ABHD4: variants seen among roughly 807,000 people sequenced by gnomAD.
The protein encoded by ABHD4 is abhydrolase domain containing 4, N-acyl phospholipase B, also known as (Lyso)-N-acylphosphatidylethanolamine lipase.
Under a neutral mutation model 42.3 loss-of-function variants are expected in ABHD4, and 35 were observed. The ratio of observed to expected loss-of-function variants is 0.83; its 90% CI spans 0.63 to 1.10. ABHD4 has a LOEUF of 1.10. Ranked by LOEUF, ABHD4 falls within the 50% of genes least tolerant of loss-of-function variation. ABHD4 has a pLI of 0.00. For missense variants in ABHD4, 389 were observed against 454.8 expected, an observed-to-expected ratio of 0.86 and a Z score of 1.32; for synonymous variants, 169 against 170.6, an observed-to-expected ratio of 0.99 and a Z score of 0.07.
chr14:22,609,160 G>A (rs143522637), intron 5 of ABHD4, among the ~76,000 whole-genome samples: 39 of 150,434 alleles, frequency 2.6e-4, no homozygotes, highest in African/African-American at 7.1e-4. Context: ...ACCACGCCCC[G>A]CTAATTTTTG....
chr14:22,610,776 C>T (rs2037405608), intron 6 of ABHD4, 83 bp from the exon 7 acceptor site: 1 of 1,124,490 alleles, frequency 8.9e-7, no homozygotes, highest in African/African-American at 1.5e-5. Context: ...GCAAGCAAGT[C>T]TAAGGGGAAA....
In ABHD4 at chr14:22,600,831, G is replaced by GGTGTGT. The variant is rs35284182; in HGVS notation, c.24-795_24-790dup. Among the ~76,000 whole-genome samples, 210 of 65,218 alleles carry GGTGTGT rather than the reference G, an allele frequency of 3.2e-3. 1 individual carries two copies. Among genetic ancestry groups the GGTGTGT allele is most frequent in the East Asian group, 8.0e-3 (26 of 3,234 alleles). 42.8% of individuals were successfully genotyped at this position (65,218 alleles called of 152,430 possible). A position where few individuals can be genotyped will look rare whatever the true frequency, so the allele number is the denominator to read the frequency against. ...CACTATGATTCACGTCCAGCAGGGG[G>GGTGTGT]GTGTGTGTGTGTGTGTGTGTGTGTG... is the stretch of plus-strand genomic sequence containing the variant. On this transcript the variant is annotated intron_variant, in intron 1 of 6. Transcript: ENST00000428304.
In ABHD4 at chr14:22,599,569, G is replaced by C. The variant is rs1298684259; in HGVS notation, c.23+1240G>C. ...TACAGTGTGCCAGGCACCATTTCCA[G>C]TGTTTACTTGTAACATTTTTGGTGA... On this transcript the variant is annotated intron_variant, in intron 1 of 6. Coordinates refer to ENST00000428304, the MANE Select transcript of ABHD4 (RefSeq NM_022060.3). Among the ~76,000 whole-genome samples, 7 of 152,348 alleles carry C rather than the reference G, an allele frequency of 4.6e-5. 1 individual carries two copies. Among genetic ancestry groups the C allele is most frequent in the African/African-American group, 1.7e-4 (7 of 41,580 alleles).
At chr14:22,601,576 C>A (rs553262596) in intron 1 of ABHD4, 91 bp from the exon 2 acceptor site, 22 of 1,257,278 alleles carry the variant, frequency 1.7e-5, no homozygotes, top group Middle Eastern at 1.9e-4. Context: ...ACCCTGCTTC[C>A]TGAGAACTCT....
chr14:22,603,543 A>G lies in ABHD4; in HGVS notation c.266A>G (p.Asp89Gly). 1 of 1,613,946 alleles carries G rather than the reference A, an allele frequency of 6.2e-7. No homozygotes were observed. Among genetic ancestry groups the G allele is most frequent in the Non-Finnish European group, 8.5e-7 (1 of 1,179,994 alleles). The part of the protein sequence containing the change: ...GGVGLWILNM[D>G]SLSARRTLHT... ...GTGGGTCTCTGGATCCTCAACATGG[A>G]CTCACTGAGTGCCCGCCGCACACTG... Residue 89 changes from aspartate to glycine, a missense_variant, in exon 3 of 7, where the codon GAC becomes GGC. Asp to Gly is a moderately conservative substitution (Grantham distance 94). This residue lies in a region of ABHD4 where 102 missense variants were observed against 128.3 expected (regional missense o/e 0.80). Coordinates refer to ENST00000428304, the MANE Select transcript of ABHD4 (RefSeq NM_022060.3).
chr14:22,604,188 T>G (rs750852731), intron 4 of ABHD4, 109 bp downstream of exon 4: 20 of 1,249,772 alleles, frequency 1.6e-5, no homozygotes, highest in Non-Finnish European at 2.3e-5. Context: ...GCCTTGTTAT[T>G]TAAAGCTGTT....
At chr14:22,598,484 T>C in intron 1 of ABHD4, 155 bp downstream of exon 1, 1 of 1,535,504 alleles carries the variant, frequency 6.5e-7, no homozygotes, top group Non-Finnish European at 8.7e-7. Flanking sequence ...CGTTGCTTGC[T>C]TTGCATTTGC....
Position 22,610,754 on chromosome 14 carries a change from C to A in ABHD4, c.940-105C>A, listed in dbSNP as rs1424297453. 3.5e-6 allele frequency: 3 copies of A among 850,238 alleles called. No individual in the cohort carries two copies. The African/African-American group carries it at 5.0e-5, about 14-fold the overall frequency. 52.7% of individuals were successfully genotyped at this position (850,238 alleles called of 1,614,324 possible). A position where few individuals can be genotyped will look rare whatever the true frequency, so the allele number is the denominator to read the frequency against. The stretch of plus-strand genomic sequence containing the variant: ...TGGAGCATTATCTCTGATAAGAGCT[C>A]GTGGGTGGCAGGCAAGCAAGTCTAA... On this transcript the variant is annotated intron_variant, in intron 6 of 6. Transcript: ENST00000428304.
chr14:22,600,831 GGTGTGTGTGTGT>G (rs35284182), intron 1 of ABHD4, among the ~76,000 whole-genome samples: 21 of 65,224 alleles, frequency 3.2e-4, no homozygotes, highest in Admixed American at 1.4e-3. Flanking sequence ...CCAGCAGGGG[GGTGTGTGTGTGT>G]GTGTGTGTGT....
chr14:22,599,287 TAG>T (rs2037254572), intron 1 of ABHD4, among the ~76,000 whole-genome samples: 1 of 152,200 alleles, frequency 6.6e-6, no homozygotes, highest in Non-Finnish European at 1.5e-5. Flanking sequence ...GGCAGAATAT[TAG>T]AGCTGGAGGA....
intron 5 of ABHD4, among the ~76,000 whole-genome samples, chr14:22,609,154 C>T (rs766428305): frequency 5.3e-5 from 8 of 151,548 alleles, no homozygotes; most frequent in Non-Finnish European, 1.0e-4. Flanking sequence ...CGCACCACCA[C>T]GCCCCGCTAA....
chr14:22,600,543 G>A (rs2037270288), intron 1 of ABHD4, among the ~76,000 whole-genome samples: 1 of 152,118 alleles, frequency 6.6e-6, no homozygotes, highest in Admixed American at 6.6e-5. Context: ...TTTGGTCATG[G>A]TTCCCCTCAC....
intron 4 of ABHD4, 101 bp downstream of exon 4, chr14:22,604,180 C>A: frequency 7.3e-7 from 1 of 1,362,210 alleles, no homozygotes; most frequent in South Asian, 1.3e-5. Context: ...TTGGCCTAGC[C>A]TTGTTATTTA....
intron 2 of ABHD4, among the ~76,000 whole-genome samples, chr14:22,602,473 C>T (rs1217366364): frequency 6.6e-6 from 1 of 152,190 alleles, no homozygotes; most frequent in Non-Finnish European, 1.5e-5. Flanking sequence ...TTCACCCAGG[C>T]AGCTCTTCCC....
intron 6 of ABHD4, 111 bp from the exon 7 acceptor site, chr14:22,610,746 TAA>T (rs1370260223): frequency 2.5e-6 from 2 of 785,190 alleles, no homozygotes; most frequent in Middle Eastern, 7.2e-4. Context: ...TTATCTCTGA[TAA>T]GAGCTCGTGG....
chr14:22,600,606 A>G (rs2037271125), intron 1 of ABHD4, among the ~76,000 whole-genome samples: 1 of 152,144 alleles, frequency 6.6e-6, no homozygotes, highest in Non-Finnish European at 1.5e-5. Flanking sequence ...GGCCCTTCCT[A>G]TAGCTGTAGA....
At position 22,609,907 on chromosome 14, in the gene ABHD4, C is replaced by T; in HGVS notation, c.936C>T (p.Asp312=). Residue 312 remains aspartate (D), a synonymous_variant, in exon 6 of 7, where the codon GAC becomes GAT. Coordinates refer to ENST00000428304, the MANE Select transcript of ABHD4 (RefSeq NM_022060.3). The part of the protein sequence containing the change: ...KMQRPDSYVR[D]MEIKGASHHV... ...AGCGGCCGGATTCCTATGTCCGAGACATGGTATGTTGCACCACCCAAGGAG... is the reference window on the plus strand; with the variant it reads ...AGCGGCCGGATTCCTATGTCCGAGATATGGTATGTTGCACCACCCAAGGAG... 1.9e-6 allele frequency: 3 copies of T among 1,613,658 alleles called. No homozygotes were observed. The highest frequency in any genetic ancestry group is 2.5e-6 in the Non-Finnish European group (3 of 1,179,832).
At chr14:22,606,342 T>C in intron 4 of ABHD4, 80 bp from the exon 5 acceptor site, 1 of 920,660 alleles carries the variant, frequency 1.1e-6, no homozygotes, top group South Asian at 1.4e-5. Flanking sequence ...TAGTTAAAGT[T>C]CTCAAAACAT....
rs2037416034 is a variant in ABHD4, at chr14:22,611,614, A to G, written c.*666A>G. The G allele has an allele frequency of 6.6e-6, 1 of 152,584 alleles. No individual in the cohort carries two copies. 9.5% of individuals were successfully genotyped at this position (152,584 alleles called of 1,614,324 possible). A position where few individuals can be genotyped will look rare whatever the true frequency, so the allele number is the denominator to read the frequency against. ...GTAAGGCTAGAGCCCAGGTCTGCCG[A>G]CACCCTGTGCTTGTTGCACACTTGA... On this transcript the variant is annotated 3_prime_UTR_variant, in exon 7 of 7. Transcript: ENST00000428304.
Sources: allele counts gnomAD v4.1 joint callset (sites outside exome capture counted in the v4.1 genomes callset), GRCh38; gene constraint gnomAD v4.1.1; regional missense constraint gnomAD v4.1.1; transcripts MANE v1.5; gene names NCBI Gene and HGNC (gene_info 2026-07-23, HGNC 2026-07-21).